The following SLC12A8 variants were observed in gnomAD, a reference collection of about 807,000 sequenced individuals.
The protein encoded by SLC12A8 is cation-chloride cotransporter 9.
Under a neutral mutation model 75.6 loss-of-function variants are expected in SLC12A8, and 69 were observed. The ratio of observed to expected loss-of-function variants is 0.91; its 90% CI spans 0.75 to 1.11. The LOEUF (loss-of-function observed/expected upper bound fraction) is 1.11, where lower values mean the gene tolerates loss of function less well. Ranked by LOEUF, SLC12A8 falls within the 50% of genes most tolerant of loss-of-function variation. SLC12A8 has a pLI of 0.00. For missense variants in SLC12A8, 877 were observed against 896.7 expected, an observed-to-expected ratio of 0.98 and a Z score of 0.28; for synonymous variants, 365 against 372.8, an observed-to-expected ratio of 0.98 and a Z score of 0.24.
intron 6 of SLC12A8, among the ~76,000 whole-genome samples, chr3:125,129,235 G>T (rs1019454586): frequency 6.6e-6 from 1 of 152,212 alleles, no homozygotes; most frequent in African/African-American, 2.4e-5. Context: ...CCATTTCCTA[G>T]TTCCTCTGTG....
intron 8 of SLC12A8, among the ~76,000 whole-genome samples, chr3:125,118,031 G>A (rs944407764): frequency 6.6e-6 from 1 of 152,232 alleles, no homozygotes; most frequent in Non-Finnish European, 1.5e-5. Flanking sequence ...CTCCCTCCAC[G>A]TCTGCCTGTC....
At chr3:125,128,402 G>A (rs1454482310) in intron 6 of SLC12A8, among the ~76,000 whole-genome samples, 4 of 141,640 alleles carry the variant, frequency 2.8e-5, no homozygotes, top group Non-Finnish European at 6.1e-5. Context: ...GGATGGTCTC[G>A]ATCTCCTGAC....
At chr3:125,120,769 G>T in intron 6 of SLC12A8, 83 bp from the exon 7 acceptor site, 2 of 1,023,058 alleles carry the variant, frequency 2.0e-6, no homozygotes, top group Non-Finnish European at 1.5e-6. Flanking sequence ...CCTCTCCTGC[G>T]GGACCCTCTC....
chr3:125,135,371 A>G (rs560601787), intron 6 of SLC12A8, among the ~76,000 whole-genome samples: 1 of 152,314 alleles, frequency 6.6e-6, no homozygotes, highest in South Asian at 2.1e-4. Flanking sequence ...GTGTCAATGT[A>G]TAAGGAGTGA....
chr3:125,094,863 A>T (rs1458441602), intron 10 of SLC12A8, among the ~76,000 whole-genome samples: 1 of 151,690 alleles, frequency 6.6e-6, no homozygotes, highest in Non-Finnish European at 1.5e-5. Flanking sequence ...TCTGTGGTCA[A>T]CTCCTAGCCC....
chr3:125,200,681 T>C (rs1359266431), intron 2 of SLC12A8, among the ~76,000 whole-genome samples: 3 of 152,206 alleles, frequency 2.0e-5, no homozygotes, highest in East Asian at 3.8e-4. Context: ...AGATGGTGAA[T>C]CCTTTTGTAA....
At chr3:125,200,686 T>G (rs1935102862) in intron 2 of SLC12A8, among the ~76,000 whole-genome samples, 1 of 152,222 alleles carries the variant, frequency 6.6e-6, no homozygotes, top group African/African-American at 2.4e-5. Flanking sequence ...GTGAATCCTT[T>G]TGTAAAATCA....
At chr3:125,200,213 C>T (rs1935093148) in intron 2 of SLC12A8, among the ~76,000 whole-genome samples, 1 of 152,164 alleles carries the variant, frequency 6.6e-6, no homozygotes, top group Non-Finnish European at 1.5e-5. Context: ...CTTTGGGAGG[C>T]CCAGGCAGGC....
Position 125,159,668 on chromosome 3 carries a change from C to T in SLC12A8, c.622+18075G>A, listed in dbSNP as rs540989834. Among the ~76,000 whole-genome samples, 123 of 152,028 alleles carry T rather than the reference C, an allele frequency of 8.1e-4. 1 individual carries two copies. The highest frequency in any genetic ancestry group is 1.5e-3 in the Non-Finnish European group (103 of 67,986). On this transcript the variant is annotated intron_variant, in intron 5 of 13. Coordinates refer to ENST00000469902, the MANE Select transcript of SLC12A8 (RefSeq NM_024628.6). ...CCTCCCAAAGTGCTGGGATTACAGGCGTGAGCCACCAGCCCCCAGGCAGTG... is the reference window on the plus strand; with the variant it reads ...CCTCCCAAAGTGCTGGGATTACAGGTGTGAGCCACCAGCCCCCAGGCAGTG...
chr3:125,092,661 C>T (rs1250427069), intron 10 of SLC12A8, among the ~76,000 whole-genome samples: 1 of 152,072 alleles, frequency 6.6e-6, no homozygotes, highest in East Asian at 1.9e-4. Flanking sequence ...CAGGTATCAA[C>T]CAGAAACTGA....
chr3:125,098,871 A>C (rs1388678232), intron 10 of SLC12A8, among the ~76,000 whole-genome samples: 1 of 152,170 alleles, frequency 6.6e-6, no homozygotes, highest in Non-Finnish European at 1.5e-5. Context: ...CAGTAGAAAA[A>C]TGAATGGGGA....
At chr3:125,111,612 C>T (rs1318071772) in intron 8 of SLC12A8, among the ~76,000 whole-genome samples, 1 of 152,210 alleles carries the variant, frequency 6.6e-6, no homozygotes, top group Non-Finnish European at 1.5e-5. Context: ...TTGTCACTTA[C>T]ACCCTTCTTG....
At chr3:125,137,586 T>C (rs1303656892) in intron 5 of SLC12A8, among the ~76,000 whole-genome samples, 1 of 152,146 alleles carries the variant, frequency 6.6e-6, no homozygotes, top group African/African-American at 2.4e-5. Context: ...GGGCTGTGTG[T>C]GCCCGGCAGG....
At chr3:125,147,797 A>G (rs1418273261) in intron 5 of SLC12A8, among the ~76,000 whole-genome samples, 1 of 152,144 alleles carries the variant, frequency 6.6e-6, no homozygotes, top group Non-Finnish European at 1.5e-5. Flanking sequence ...ATGGTCCCCA[A>G]CCTGCGGCAT....
chr3:125,130,599 AGAAAAAG>A lies in SLC12A8; in HGVS notation c.736+5063_736+5069del, dbSNP rs1560061754. ...AGAGCGAGACCCTGTCTTAAAAAAA[AGAAAAAG>A]AAAAAGAAAAAGAAAAAGAAATACG... On this transcript the variant is annotated intron_variant, in intron 6 of 13. Coordinates refer to ENST00000469902, the MANE Select transcript of SLC12A8 (RefSeq NM_024628.6). 8.2e-5 allele frequency among the ~76,000 whole-genome samples: 8 copies of A among 97,706 alleles called. 1 individual carries two copies. The highest frequency in any genetic ancestry group is 4.3e-5 in the Non-Finnish European group (2 of 46,982). 64.1% of individuals were successfully genotyped at this position (97,706 alleles called of 152,430 possible).
At chr3:125,176,196 T>A (rs1391485141) in intron 5 of SLC12A8, among the ~76,000 whole-genome samples, 2 of 152,142 alleles carry the variant, frequency 1.3e-5, no homozygotes, top group Admixed American at 1.3e-4. Flanking sequence ...ACTTCTCACC[T>A]CAGGCAACAG....
At chr3:125,162,499 C>CGTG (rs1934197230) in intron 5 of SLC12A8, among the ~76,000 whole-genome samples, 1 of 152,184 alleles carries the variant, frequency 6.6e-6, no homozygotes, top group African/African-American at 2.4e-5. Context: ...GCAACAGGAG[C>CGTG]GTGGTGCAGA....
intron 10 of SLC12A8, among the ~76,000 whole-genome samples, chr3:125,097,803 G>C (rs1444964307): frequency 6.6e-6 from 1 of 151,950 alleles, no homozygotes; most frequent in East Asian, 1.9e-4. Context: ...AGATTTTGCT[G>C]GAGAAAGCAA....
chr3:125,116,733 CT>C (rs769707924), intron 8 of SLC12A8, among the ~76,000 whole-genome samples: 11 of 152,166 alleles, frequency 7.2e-5, no homozygotes, highest in Non-Finnish European at 1.5e-4. Flanking sequence ...GGAAGGACCT[CT>C]GTGAAGGAAA....
Sources: allele counts gnomAD v4.1 joint callset (sites outside exome capture counted in the v4.1 genomes callset), GRCh38; gene constraint gnomAD v4.1.1; transcripts MANE v1.5; gene names NCBI Gene and HGNC (gene_info 2026-07-23, HGNC 2026-07-21).